The following CD2AP variants were observed in gnomAD, a reference collection of about 807,000 sequenced individuals.
CD2AP encodes the protein CD2-associated protein.
CD2AP carries 46 observed loss-of-function variants against 85.1 expected under a neutral mutation model. The observed-to-expected ratio is 0.54, with a 90% CI of 0.43 to 0.69. The LOEUF (loss-of-function observed/expected upper bound fraction) is 0.69, where lower values mean the gene tolerates loss of function less well. Among genes scored for constraint, CD2AP ranks in the 30% least tolerant of loss-of-function variants. The probability of loss-of-function intolerance (pLI) is 0.00; values close to 1 mark genes in which losing one functional copy is unlikely to be tolerated. For synonymous variants in CD2AP, 255 were observed against 252.9 expected, an observed-to-expected ratio of 1.01 and a Z score of -0.08; for missense variants, 769 against 729.5, an observed-to-expected ratio of 1.05 and a Z score of -0.62.
Position 47,609,234 on chromosome 6 carries a change from T to A in CD2AP, c.1744T>A (p.Ser582Thr). 1 of 1,613,578 alleles carries A rather than the reference T, an allele frequency of 6.2e-7. No individual in the cohort carries two copies. Among genetic ancestry groups the A allele is most frequent in the Non-Finnish European group, 8.5e-7 (1 of 1,179,732 alleles). The part of the protein sequence containing the change: ...KVETDDVKKN[S>T]LDELRAQIIE... ...GGAAACAGATGATGTGAAAAAAAAT[T>A]CCCTGGATGAACTTAGAGCCCAGAT... The change falls in exon 16 of 18, where the codon TCC (serine) becomes ACC (threonine). Residue 582 changes from serine (S) to threonine (T), a missense_variant. Transcript: ENST00000359314.
At chr6:47,545,638 C>G (rs1280450463) in intron 4 of CD2AP, among the ~76,000 whole-genome samples, 1 of 152,168 alleles carries the variant, frequency 6.6e-6, no homozygotes, top group Non-Finnish European at 1.5e-5. Flanking sequence ...CCACTTCCAC[C>G]AGAGCAGGTG....
At chr6:47,551,070 A>G (rs1767506156) in intron 4 of CD2AP, among the ~76,000 whole-genome samples, 1 of 152,068 alleles carries the variant, frequency 6.6e-6, no homozygotes, top group Admixed American at 6.6e-5. Context: ...AAAGACTACA[A>G]ATTGGGTGCA....
chr6:47,508,710 A>G (rs1766244244), intron 2 of CD2AP, among the ~76,000 whole-genome samples: 1 of 151,912 alleles, frequency 6.6e-6, no homozygotes, highest in Admixed American at 6.6e-5. Flanking sequence ...ACGCCCAGCT[A>G]ATTTTTGTAT....
At chr6:47,511,462 A>G (rs1024174575) in intron 2 of CD2AP, among the ~76,000 whole-genome samples, 2 of 152,234 alleles carry the variant, frequency 1.3e-5, no homozygotes, top group African/African-American at 4.8e-5. Flanking sequence ...GAAAAAGGAC[A>G]TTAGTGGAAA....
At chr6:47,609,853 ATCT>A (rs1769382357) in intron 16 of CD2AP, among the ~76,000 whole-genome samples, 1 of 152,176 alleles carries the variant, frequency 6.6e-6, no homozygotes, top group Admixed American at 6.6e-5. Context: ...TAGGCTAGAA[ATCT>A]TCTGGTCGGA....
At chr6:47,498,958 A>G (rs958419839) in intron 1 of CD2AP, among the ~76,000 whole-genome samples, 1 of 152,116 alleles carries the variant, frequency 6.6e-6, no homozygotes, top group Admixed American at 6.5e-5. Context: ...ATCTGTATGG[A>G]CTCATGGCTT....
At chr6:47,618,328 G>A (rs1328495937) in intron 17 of CD2AP, among the ~76,000 whole-genome samples, 5 of 151,960 alleles carry the variant, frequency 3.3e-5, no homozygotes, top group East Asian at 1.9e-4. Flanking sequence ...AAAAAAAAAC[G>A]AGTAGTCTTC....
chr6:47,535,686 C>G (rs1294567023), intron 3 of CD2AP, among the ~76,000 whole-genome samples: 1 of 152,106 alleles, frequency 6.6e-6, no homozygotes, highest in Admixed American at 6.5e-5. Flanking sequence ...ATGGTTTCAG[C>G]AGTTCTGATG....
At chr6:47,602,678 G>A (rs1446212433) in intron 13 of CD2AP, among the ~76,000 whole-genome samples, 1 of 151,514 alleles carries the variant, frequency 6.6e-6, no homozygotes. Context: ...ACTAGCCTGG[G>A]CAGCATAGTG....
intron 5 of CD2AP, among the ~76,000 whole-genome samples, chr6:47,557,120 C>T (rs928567717): frequency 4.0e-5 from 6 of 149,358 alleles, no homozygotes; most frequent in South Asian, 4.2e-4. Flanking sequence ...GCATAAATGT[C>T]GTCTTTTGAA....
At position 47,574,084 on chromosome 6, in the gene CD2AP, A is replaced by C. The variant is rs373030099; in HGVS notation, c.562A>C (p.Thr188Pro). ...DDSETVLAGP[T>P]SPIPSLGNVS... ...TTCAGAAACTGTTTTGGCTGGGCCT[A>C]CTTCACCTATACCTTCTCTGGGAAA... Residue 188 changes from threonine to proline, a missense_variant, in exon 6 of 18, where the codon ACT (threonine) becomes CCT (proline). Physicochemically the swap from Thr to Pro is conservative, Grantham distance 38. Coordinates refer to ENST00000359314, the MANE Select transcript of CD2AP (RefSeq NM_012120.3). The C allele has an allele frequency of 1.2e-6, 2 of 1,613,960 alleles. No homozygotes were observed. The highest frequency in any genetic ancestry group is 1.3e-5 in the African/African-American group (1 of 74,946).
chr6:47,524,893 C>G (rs1766683508), intron 2 of CD2AP, among the ~76,000 whole-genome samples: 1 of 152,098 alleles, frequency 6.6e-6, no homozygotes, highest in Non-Finnish European at 1.5e-5. Flanking sequence ...CGATTTTGAT[C>G]TATTGACACT....
At chr6:47,492,062 T>C (rs1388542749) in intron 1 of CD2AP, among the ~76,000 whole-genome samples, 2 of 152,230 alleles carry the variant, frequency 1.3e-5, no homozygotes, top group African/African-American at 2.4e-5. Flanking sequence ...AAGTATTTAC[T>C]GTCTGTTTCC....
At chr6:47,609,053 T>C (rs754780337) in intron 15 of CD2AP, 70 bp from the exon 16 acceptor site, 208 of 1,201,058 alleles carry the variant, frequency 1.7e-4, no homozygotes, top group Non-Finnish European at 2.1e-4. Flanking sequence ...TTTTTCTTCT[T>C]GCTGTTAAAA....
chr6:47,508,213 T>C (rs1420707443), intron 2 of CD2AP, among the ~76,000 whole-genome samples: 2 of 152,236 alleles, frequency 1.3e-5, no homozygotes, highest in African/African-American at 2.4e-5. Context: ...CTTTTTCCAA[T>C]AGAAGGTTTC....
chr6:47,612,414 A>G, intron 16 of CD2AP, 59 bp from the exon 17 acceptor site: 3 of 1,235,074 alleles, frequency 2.4e-6, no homozygotes, highest in Non-Finnish European at 3.6e-6. Context: ...GCCTGTAAAC[A>G]TTAGTCAAAT....
chr6:47,600,364 G>A (rs1769096462), intron 13 of CD2AP, among the ~76,000 whole-genome samples: 1 of 151,904 alleles, frequency 6.6e-6, no homozygotes. Context: ...TACATTTAAA[G>A]TTCAAGGGCA....
chr6:47,488,256 G>T (rs372585387), intron 1 of CD2AP, among the ~76,000 whole-genome samples: 6 of 151,986 alleles, frequency 3.9e-5, no homozygotes, highest in African/African-American at 1.4e-4. Flanking sequence ...AGGCATAAAG[G>T]CTTAATTTTT....
At chr6:47,494,654 A>G (rs576987507) in intron 1 of CD2AP, among the ~76,000 whole-genome samples, 2 of 152,254 alleles carry the variant, frequency 1.3e-5, no homozygotes, top group African/African-American at 4.8e-5. Context: ...TACTGTGAGA[A>G]TCTGGCAGTA....
Sources: gnomAD v4.1 joint callset for allele counts (sites outside exome capture counted in the v4.1 genomes callset) on GRCh38, gnomAD v4.1.1 for gene constraint, MANE v1.5 for transcripts, NCBI Gene and HGNC (gene_info 2026-07-23, HGNC 2026-07-21) for gene names.